The following ATP8A1 variants were observed in gnomAD, a reference collection of about 807,000 sequenced individuals.
ATP8A1 encodes ATPase phospholipid transporting 8A1.
Under a neutral mutation model 177.7 loss-of-function variants are expected in ATP8A1, and 90 were observed. That is an observed-to-expected ratio of 0.51 (90% CI 0.43 to 0.60). ATP8A1 has a LOEUF of 0.60. Among genes scored for constraint, ATP8A1 ranks in the 20% least tolerant of loss-of-function variants. The probability of loss-of-function intolerance (pLI) is 0.00; values close to 1 mark genes in which losing one functional copy is unlikely to be tolerated. For synonymous variants in ATP8A1, 493 were observed against 485.9 expected (o/e 1.01, Z -0.19); for missense variants, 1,072 against 1,392.8 (o/e 0.77, Z 3.67).
intron 1 of ATP8A1, among the ~76,000 whole-genome samples, chr4:42,639,827 G>A (rs1475240943): frequency 6.6e-6 from 1 of 152,194 alleles, no homozygotes; most frequent in Non-Finnish European, 1.5e-5. Flanking sequence ...CAAATCTGCA[G>A]ATGCTCAATT....
intron 1 of ATP8A1, among the ~76,000 whole-genome samples, chr4:42,635,800 TATATATATATAC>T (rs1163861574): frequency 0.012 from 1,327 of 113,670 alleles, 71 homozygotes; most frequent in African/African-American, 0.044. Flanking sequence ...TATATATATA[TATATATATATAC>T]ACATGTATGT....
chr4:42,432,475 G>GA (rs1715417842), intron 33 of ATP8A1, among the ~76,000 whole-genome samples: 1 of 152,146 alleles, frequency 6.6e-6, no homozygotes, highest in Non-Finnish European at 1.5e-5. Flanking sequence ...AAACACTTCT[G>GA]AAAGTGTCTT....
chr4:42,620,178 T>A (rs1272485875), intron 4 of ATP8A1, among the ~76,000 whole-genome samples: 1 of 152,218 alleles, frequency 6.6e-6, no homozygotes. Flanking sequence ...TAAAGACAGC[T>A]CTTTGTCCAA....
intron 1 of ATP8A1, among the ~76,000 whole-genome samples, chr4:42,638,550 T>C (rs1464179355): frequency 1.3e-5 from 2 of 152,172 alleles, no homozygotes; most frequent in Admixed American, 6.5e-5. Flanking sequence ...CCTAAAATAA[T>C]AGTCATCTTC....
intron 19 of ATP8A1, among the ~76,000 whole-genome samples, chr4:42,544,604 T>C (rs1033144152): frequency 1.3e-5 from 2 of 152,330 alleles, no homozygotes; most frequent in East Asian, 3.9e-4. Flanking sequence ...CTGTCAAATG[T>C]ACATCTTTCA....
chr4:42,423,768 T>G (rs1259665975), intron 33 of ATP8A1, 63 bp from the exon 34 acceptor site: 14 of 1,088,692 alleles, frequency 1.3e-5, no homozygotes, highest in Non-Finnish European at 9.6e-6. Context: ...TGTGTTTAGT[T>G]TTTATGTATT....
intron 15 of ATP8A1, among the ~76,000 whole-genome samples, chr4:42,562,736 T>C (rs986196288): frequency 6.6e-6 from 1 of 152,204 alleles, no homozygotes. Flanking sequence ...TTTCCTGTGC[T>C]GTTCTCGTGA....
rs968493255 is a variant in ATP8A1, at chr4:42,653,830, T to C, written c.49+2995A>G. On this transcript the variant is annotated intron_variant, in intron 1 of 36. Coordinates refer to ENST00000381668, the MANE Select transcript of ATP8A1 (RefSeq NM_006095.2). ...GCAGTAATCTACCTATCCAAACTTT[T>C]AGCCTGCTCCTTCCAAGTTTCCCTC... Among the ~76,000 whole-genome samples, 5 of 152,350 alleles carry C rather than the reference T, an allele frequency of 3.3e-5. No homozygotes were observed. The South Asian group carries it at 8.3e-4, about 25-fold the overall frequency.
At chr4:42,509,990 A>G (rs1724848926) in intron 22 of ATP8A1, among the ~76,000 whole-genome samples, 1 of 152,006 alleles carries the variant, frequency 6.6e-6, no homozygotes, top group Admixed American at 6.6e-5. Context: ...ATGCATGAGT[A>G]TGGTAGGTTT....
intron 6 of ATP8A1, chr4:42,594,376 G>A: frequency 6.9e-7 from 1 of 1,442,258 alleles, no homozygotes; most frequent in Non-Finnish European, 9.8e-7. Context: ...AAAGAAAACT[G>A]GGAATTGGTT....
At chr4:42,530,953 G>C (rs2153201370) in intron 20 of ATP8A1, among the ~76,000 whole-genome samples, 1 of 152,290 alleles carries the variant, frequency 6.6e-6, no homozygotes, top group East Asian at 1.9e-4. Flanking sequence ...TAGTTCCAGA[G>C]GGAGGAACAC....
intron 35 of ATP8A1, among the ~76,000 whole-genome samples, chr4:42,422,121 G>A (rs572792678): frequency 7.2e-5 from 11 of 151,812 alleles, no homozygotes; most frequent in Middle Eastern, 3.4e-3. Flanking sequence ...ATGGAGTCTC[G>A]CGCTCTGTTG....
intron 24 of ATP8A1, among the ~76,000 whole-genome samples, chr4:42,486,707 T>C (rs930267291): frequency 2.0e-5 from 3 of 152,198 alleles, no homozygotes; most frequent in East Asian, 1.9e-4. Context: ...GAATATCCCA[T>C]GGTGGGCCCA....
At chr4:42,484,176 T>C (rs906224852) in intron 25 of ATP8A1, among the ~76,000 whole-genome samples, 6 of 152,342 alleles carry the variant, frequency 3.9e-5, no homozygotes, top group Admixed American at 3.9e-4. Flanking sequence ...AAAATCACTG[T>C]AAAAGTAAAT....
Position 42,412,760 on chromosome 4 carries a change from C to G in ATP8A1, c.*156G>C. 1 of 618,874 alleles carries G rather than the reference C, an allele frequency of 1.6e-6. No individual in the cohort carries two copies. Among genetic ancestry groups the G allele is most frequent in the South Asian group, 2.0e-5 (1 of 50,570 alleles). The allele number at this position is 618,874 out of a possible 1,614,324, so 38.3% of individuals were successfully genotyped here. On this transcript the variant is annotated 3_prime_UTR_variant, in exon 37 of 37. Transcript: ENST00000381668. Reference sequence around the variant, plus strand: ...CAGTACAGTTGCACAGTGCTTATGTCTATAATATACATGAATCTGAATGTC... The same window carrying G: ...CAGTACAGTTGCACAGTGCTTATGTGTATAATATACATGAATCTGAATGTC...
At chr4:42,555,131 ATCTATCTAATCTATCTATCTATCTATCT>A (rs1729992903) in intron 16 of ATP8A1, among the ~76,000 whole-genome samples, 1 of 76,726 alleles carries the variant, frequency 1.3e-5, no homozygotes, top group Non-Finnish European at 2.6e-5. Context: ...CTATCTATCT[ATCTATCTAATCTATCTATCTATCTATCT>A]ATCTATCTAT....
At chr4:42,500,759 T>C (rs1723780333) in intron 24 of ATP8A1, among the ~76,000 whole-genome samples, 1 of 152,208 alleles carries the variant, frequency 6.6e-6, no homozygotes, top group African/African-American at 2.4e-5. Context: ...GGTTTCCCTA[T>C]CAGGTCTGTA....
intron 22 of ATP8A1, among the ~76,000 whole-genome samples, chr4:42,512,363 G>A (rs557146342): frequency 6.6e-6 from 1 of 152,264 alleles, no homozygotes; most frequent in South Asian, 2.1e-4. Context: ...TGAGTCACCC[G>A]TCAGGTGTAC....
chr4:42,436,016 C>CTTGG (rs1395528676), intron 33 of ATP8A1, among the ~76,000 whole-genome samples: 1 of 152,194 alleles, frequency 6.6e-6, no homozygotes, highest in Non-Finnish European at 1.5e-5. Flanking sequence ...GCCCAATTAA[C>CTTGG]TTGGTATTGA....
Sources: gnomAD v4.1 joint callset for allele counts (sites outside exome capture counted in the v4.1 genomes callset) on GRCh38, gnomAD v4.1.1 for gene constraint, MANE v1.5 for transcripts, NCBI Gene and HGNC (gene_info 2026-07-23, HGNC 2026-07-21) for gene names.